Variants in SARDH observed in about 807,000 individuals in gnomAD.
SARDH encodes the protein sarcosine dehydrogenase, also known as sarcosine dehydrogenase, mitochondrial.
In SARDH, 95 loss-of-function variants were observed where a neutral mutation model predicts 109.1. The ratio of observed to expected loss-of-function variants is 0.87; its 90% CI spans 0.74 to 1.03. SARDH has a LOEUF of 1.03. Ranked by LOEUF, SARDH falls within the 50% of genes least tolerant of loss-of-function variation. The probability of loss-of-function intolerance (pLI) is 0.00; values close to 1 mark genes in which losing one functional copy is unlikely to be tolerated. For synonymous variants in SARDH, 572 were observed against 534.8 expected (o/e 1.07, Z -0.96); for missense variants, 1,267 against 1,287.8 (o/e 0.98, Z 0.25).
chr9:133,663,250 T>G (rs1829944255), downstream of SARDH, among the ~76,000 whole-genome samples: 1 of 152,212 alleles, frequency 6.6e-6, no homozygotes, highest in Non-Finnish European at 1.5e-5. Flanking sequence ...CCCCGCCCGC[T>G]CCCTGCTTCG....
intron 17 of SARDH, among the ~76,000 whole-genome samples, chr9:133,683,921 C>T (rs756690): frequency 0.33 from 49,725 of 152,134 alleles, 8,302 homozygotes; most frequent in East Asian, 0.41. Context: ...AGGCCACATC[C>T]GTGTCACTGA....
intron 13 of SARDH, among the ~76,000 whole-genome samples, chr9:133,699,183 C>T (rs1209116077): frequency 1.3e-5 from 2 of 152,018 alleles, no homozygotes; most frequent in East Asian, 1.9e-4. Flanking sequence ...CCCATCTCTA[C>T]TAAAAATACA....
chr9:133,689,753 T>C (rs1451453721), intron 16 of SARDH, among the ~76,000 whole-genome samples: 1 of 151,936 alleles, frequency 6.6e-6, no homozygotes, highest in Non-Finnish European at 1.5e-5. Context: ...CAGTCCCTTC[T>C]CCCAGCCTCC....
At chr9:133,720,818 T>G (rs1259310034) in intron 6 of SARDH, among the ~76,000 whole-genome samples, 1 of 152,130 alleles carries the variant, frequency 6.6e-6, no homozygotes, top group Admixed American at 6.5e-5. Flanking sequence ...GAGCTTTGGG[T>G]GGGGACACAG....
intron 13 of SARDH, among the ~76,000 whole-genome samples, chr9:133,700,547 T>C (rs1191911596): frequency 2.0e-5 from 3 of 152,078 alleles, no homozygotes; most frequent in Non-Finnish European, 4.4e-5. Flanking sequence ...GGGCTGGGGA[T>C]AGGGTGAGGT....
chr9:133,694,143 G>A, intron 15 of SARDH, 115 bp downstream of exon 15: 1 of 741,056 alleles, frequency 1.3e-6, no homozygotes, highest in Non-Finnish European at 2.2e-6. Flanking sequence ...GGGCACAACA[G>A]CTAATGACAG....
intron 11 of SARDH, 66 bp from the exon 12 acceptor site, chr9:133,705,097 C>A: frequency 6.9e-7 from 1 of 1,444,868 alleles, no homozygotes; most frequent in Non-Finnish European, 9.5e-7. Flanking sequence ...GGGCAGAGAG[C>A]CACATCCGCC....
intron 17 of SARDH, among the ~76,000 whole-genome samples, chr9:133,672,924 G>A (rs1034896993): frequency 6.6e-6 from 1 of 152,234 alleles, no homozygotes; most frequent in African/African-American, 2.4e-5. Context: ...TGAAAGACAC[G>A]ATGGCTCAAG....
intron 17 of SARDH, among the ~76,000 whole-genome samples, chr9:133,672,203 C>T (rs920462762): frequency 6.6e-6 from 1 of 152,222 alleles, no homozygotes; most frequent in Admixed American, 6.5e-5. Flanking sequence ...CGATTTCTGC[C>T]TCAGCCCTCA....
chr9:133,701,613 C>T (rs1831490519), intron 13 of SARDH, among the ~76,000 whole-genome samples: 2 of 152,238 alleles, frequency 1.3e-5, no homozygotes, highest in Admixed American at 6.5e-5. Flanking sequence ...GGGCCAGAGT[C>T]CCACAGGCTT....
intron 19 of SARDH, among the ~76,000 whole-genome samples, chr9:133,668,334 TCCCTCATTCTCCCTCA>T (rs1830158182): frequency 1.5e-5 from 1 of 66,450 alleles, no homozygotes; most frequent in Non-Finnish European, 2.9e-5. Flanking sequence ...CCTCTCCCTC[TCCCTCATTCTCCCTCA>T]CCCTCCCTCT....
intron 17 of SARDH, among the ~76,000 whole-genome samples, chr9:133,679,262 C>T (rs1313965095): frequency 1.3e-5 from 2 of 152,182 alleles, no homozygotes; most frequent in Non-Finnish European, 2.9e-5. Context: ...CAAATCTGCA[C>T]GGGTTCTGTA....
At chr9:133,727,056 C>T (rs529655622) in intron 6 of SARDH, among the ~76,000 whole-genome samples, 105 of 152,334 alleles carry the variant, frequency 6.9e-4, no homozygotes, top group African/African-American at 2.4e-3. Flanking sequence ...ACCCACAGCT[C>T]TGCCCACGGA....
intron 6 of SARDH, among the ~76,000 whole-genome samples, chr9:133,720,706 T>A (rs1832295283): frequency 6.6e-6 from 1 of 152,156 alleles, no homozygotes; most frequent in South Asian, 2.1e-4. Flanking sequence ...CTCCTGAGAC[T>A]TATTCCCTAC....
chr9:133,667,801 T>C (rs372711551), intron 19 of SARDH, among the ~76,000 whole-genome samples: 1 of 152,160 alleles, frequency 6.6e-6, no homozygotes, highest in East Asian at 1.9e-4. Flanking sequence ...AGGACGAGGC[T>C]GGAAGGAGGT....
rs555642713 is a variant in SARDH, at chr9:133,708,894, C to G, written c.1329-466G>C. 3.0e-3 allele frequency among the ~76,000 whole-genome samples: 463 copies of G among 152,178 alleles called. 3 individuals carry two copies. The highest frequency in any genetic ancestry group is 5.3e-3 in the Non-Finnish European group (361 of 67,970). On this transcript the variant is annotated intron_variant, in intron 10 of 20. Transcript: ENST00000439388. ...TGGTGATGCGTCAGAACACCAGTGT[C>G]CCCCTCCTCATCAAGGAACCCCCCT...
intron 16 of SARDH, among the ~76,000 whole-genome samples, chr9:133,689,152 C>T (rs967906963): frequency 6.6e-6 from 1 of 151,210 alleles, no homozygotes; most frequent in African/African-American, 2.4e-5. Context: ...CTCACCTCGG[C>T]GACCTTCAGG....
intron 13 of SARDH, among the ~76,000 whole-genome samples, chr9:133,701,267 C>T (rs1831474759): frequency 6.6e-6 from 1 of 152,252 alleles, no homozygotes; most frequent in Non-Finnish European, 1.5e-5. Context: ...CCCCTCTGCC[C>T]CAGAGAGCTG....
chr9:133,718,956 G>A lies in SARDH; in HGVS notation c.1002C>T (p.Asn334=). Residue 334 remains asparagine, a synonymous_variant, in exon 7 of 21, where the codon AAC becomes AAT. Coordinates refer to ENST00000439388, the MANE Select transcript of SARDH (RefSeq NM_001134707.2). This position sits in a 1 kb window ranked among gnomAD's most constrained non-coding sequence, Gnocchi z 4.2. ...DALSVGGYEA[N]PIFWEEVSDK... is the part of the protein sequence containing the mutation. ...ATCTTACCTCCTCCCAAAAGATGGG[G>A]TTGGCCTCATAGCCACCCACAGACA... 6.2e-7 allele frequency: 1 copy of A among 1,614,010 alleles called. No individual in the cohort carries two copies. Among genetic ancestry groups the A allele is most frequent in the Non-Finnish European group, 8.5e-7 (1 of 1,179,914 alleles).
Sources: gnomAD v4.1 joint callset for allele counts (sites outside exome capture counted in the v4.1 genomes callset) on GRCh38, gnomAD v4.1.1 for gene constraint, Gnocchi (gnomAD v3.1) non-coding constraint, MANE v1.5 for transcripts, NCBI Gene and HGNC (gene_info 2026-07-23, HGNC 2026-07-21) for gene names.